Variants in KPNA4 observed in about 807,000 individuals in gnomAD.
KPNA4 encodes karyopherin subunit alpha 4.
KPNA4 carries 13 observed loss-of-function variants against 71.3 expected under a neutral mutation model. That is an observed-to-expected ratio of 0.18 (90% CI 0.12 to 0.29). The LOEUF is 0.29. KPNA4 is among the 10% of genes least tolerant of loss of function. The pLI is 1.00. For missense variants in KPNA4, 334 were observed against 603.2 expected (o/e 0.55, Z 4.67); for synonymous variants, 189 against 195.2 (o/e 0.97, Z 0.26).
At chr3:160,519,931 T>C (rs1289508173) in intron 11 of KPNA4, among the ~76,000 whole-genome samples, 1 of 152,082 alleles carries the variant, frequency 6.6e-6, no homozygotes, top group Non-Finnish European at 1.5e-5. Flanking sequence ...TACATGGGGT[T>C]CCATTACACT....
intron 10 of KPNA4, among the ~76,000 whole-genome samples, chr3:160,522,543 C>T (rs977408777): frequency 3.3e-5 from 5 of 152,058 alleles, no homozygotes; most frequent in African/African-American, 1.2e-4. Flanking sequence ...CTGCAAGCTC[C>T]GCCTCCCGGG....
At chr3:160,564,241 T>C (rs533139890) in intron 1 of KPNA4, 1 of 152,274 alleles carries the variant, frequency 6.6e-6, no homozygotes, top group Admixed American at 6.5e-5. Context: ...ACACCTTATG[T>C]AGACAATCTC....
intron 9 of KPNA4, 32 bp from the exon 10 acceptor site, chr3:160,525,876 T>C (rs1487054401): frequency 3.3e-6 from 5 of 1,528,592 alleles, no homozygotes; most frequent in East Asian, 2.3e-5. Context: ...TTTAAAAACA[T>C]ACACAAATAA....
rs200369744 is a variant in KPNA4 at position 160,505,056 on chromosome 3, C to G, written c.1373-4G>C. 1.7e-4 allele frequency: 250 copies of G among 1,492,996 alleles called. 1 individual carries two copies. The highest frequency in any genetic ancestry group is 2.5e-4 in the Admixed American group (12 of 47,898). 92.5% of individuals were successfully genotyped at this position (1,492,996 alleles called of 1,614,324 possible). On this transcript the variant is annotated splice_polypyrimidine_tract_variant and splice_region_variant and intron_variant, in intron 15 of 16. Transcript: ENST00000334256. ...AGTTGTTCAATTTTCTCCAGCCCTG[C>G]AAGAAATTTTGCAATGTGAAACAAT...
intron 13 of KPNA4, among the ~76,000 whole-genome samples, chr3:160,512,665 C>A (rs1369340480): frequency 6.6e-6 from 1 of 152,152 alleles, no homozygotes; most frequent in Non-Finnish European, 1.5e-5. Context: ...AACCGCATCT[C>A]TACTAAAAAT....
intron 1 of KPNA4, 127 bp from the exon 2 acceptor site, chr3:160,536,967 A>C: frequency 2.2e-6 from 1 of 459,254 alleles, no homozygotes; most frequent in Middle Eastern, 5.0e-4. Flanking sequence ...ATAAAGTCAA[A>C]TCTTACTCAT....
At chr3:160,542,542 T>TA (rs1721820543) in intron 1 of KPNA4, among the ~76,000 whole-genome samples, 3 of 152,258 alleles carry the variant, frequency 2.0e-5, no homozygotes, top group African/African-American at 7.2e-5. Flanking sequence ...CTCCTAAGGA[T>TA]AAAAACCCAT....
chr3:160,530,376 G>A (rs1721550040), intron 7 of KPNA4, among the ~76,000 whole-genome samples: 1 of 151,962 alleles, frequency 6.6e-6, no homozygotes, highest in Admixed American at 6.6e-5. Context: ...CTACTTGGTG[G>A]ACTGATGCGG....
At chr3:160,511,496 G>A (rs1455053090) in intron 13 of KPNA4, among the ~76,000 whole-genome samples, 1 of 151,794 alleles carries the variant, frequency 6.6e-6, no homozygotes, top group Non-Finnish European at 1.5e-5. Flanking sequence ...TAGTGCATCC[G>A]TACAATGCAG....
rs10714139 is a variant in KPNA4 at position 160,495,916 on chromosome 3, CTT to C, written c.*6186_*6187del. ...ACAATTATGAATCAAAAGATGGAGT[CTT>C]TTTTTTTTTTTTTTTAAGGTAAATA... On this transcript the variant is annotated 3_prime_UTR_variant, in exon 17 of 17. Transcript: ENST00000334256. 0.023 allele frequency: 3,059 copies of C among 133,158 alleles called. 53 individuals are homozygous for C. The highest frequency in any genetic ancestry group is 0.035 in the African/African-American group (1,256 of 36,084). The allele number at this position is 133,158 out of a possible 1,614,324, so 8.2% of individuals were successfully genotyped here.
At chr3:160,545,318 C>A (rs1721882259) in intron 1 of KPNA4, among the ~76,000 whole-genome samples, 2 of 152,210 alleles carry the variant, frequency 1.3e-5, no homozygotes, top group Admixed American at 1.3e-4. Flanking sequence ...CAGATGTATG[C>A]ATGTGCATAG....
chr3:160,535,392 A>G, intron 5 of KPNA4, 121 bp downstream of exon 5: 1 of 607,888 alleles, frequency 1.6e-6, no homozygotes, highest in East Asian at 2.8e-5. Context: ...ATCTATTACT[A>G]TTTACTATTG....
chr3:160,507,499 CAAAAAAAAA>C (rs57528939), intron 15 of KPNA4, among the ~76,000 whole-genome samples: 7 of 49,484 alleles, frequency 1.4e-4, no homozygotes, highest in Non-Finnish European at 2.7e-4. Context: ...GACACTGTCT[CAAAAAAAAA>C]AAAAAAAAAA....
At position 160,500,749 on chromosome 3, in the gene KPNA4, G is replaced by A. The variant is rs1340617615; in HGVS notation, c.*1355C>T. 2.0e-5 allele frequency: 3 copies of A among 152,492 alleles called. No homozygotes were observed. The highest frequency in any genetic ancestry group is 4.4e-5 in the Non-Finnish European group (3 of 67,998). 9.4% of individuals were successfully genotyped at this position (152,492 alleles called of 1,614,324 possible). A position where few individuals can be genotyped will look rare whatever the true frequency, so the allele number is the denominator to read the frequency against. On this transcript the variant is annotated 3_prime_UTR_variant, in exon 17 of 17. Coordinates refer to ENST00000334256, the MANE Select transcript of KPNA4 (RefSeq NM_002268.5). ...GAACAGATTAGGCATATTATTAAAG[G>A]TGTTCAAACCATTACTTGATTTGTA...
chr3:160,557,420 G>A (rs1722159298), intron 1 of KPNA4, among the ~76,000 whole-genome samples: 1 of 152,170 alleles, frequency 6.6e-6, no homozygotes, highest in South Asian at 2.1e-4. Flanking sequence ...ACAGGACACT[G>A]AGATAGACTA....
In KPNA4 at chr3:160,501,061, C is replaced by T. The variant is rs1437735411; in HGVS notation, c.*1043G>A. 2.6e-5 allele frequency: 4 copies of T among 152,198 alleles called. No individual in the cohort carries two copies. The highest frequency in any genetic ancestry group is 5.9e-5 in the Non-Finnish European group (4 of 67,992). The allele number at this position is 152,198 out of a possible 1,614,324, so 9.4% of individuals were successfully genotyped here. ...TTTAAGCACATTTTACTGTTTTATA[C>T]TATTATGGCAACTTGTGTACTGCAA... is the stretch of plus-strand genomic sequence containing the variant. On this transcript the variant is annotated 3_prime_UTR_variant, in exon 17 of 17. Transcript: ENST00000334256.
At chr3:160,509,945 T>C (rs1288287119) in intron 13 of KPNA4, 74 bp from the exon 14 acceptor site, 2 of 884,620 alleles carry the variant, frequency 2.3e-6, no homozygotes, top group Admixed American at 2.0e-5. Flanking sequence ...GCTGTGATGA[T>C]TTTTCAACTG....
intron 1 of KPNA4, among the ~76,000 whole-genome samples, chr3:160,539,113 C>T (rs1198188345): frequency 1.3e-5 from 2 of 152,138 alleles, no homozygotes; most frequent in African/African-American, 4.8e-5. Context: ...CAGTTCCTTA[C>T]CTCTATGGGA....
At chr3:160,525,714 TATA>T (rs1721444537) in intron 10 of KPNA4, 83 bp downstream of exon 10, 3 of 724,420 alleles carry the variant, frequency 4.1e-6, no homozygotes, top group South Asian at 3.6e-5. Context: ...AATGTGTTAG[TATA>T]ATATTTCTCC....
Sources: gnomAD v4.1 joint callset for allele counts (sites outside exome capture counted in the v4.1 genomes callset) on GRCh38, gnomAD v4.1.1 for gene constraint, MANE v1.5 for transcripts, NCBI Gene and HGNC (gene_info 2026-07-23, HGNC 2026-07-21) for gene names.